The following CDH12 variants were observed in gnomAD, a reference collection of about 807,000 sequenced individuals.
The protein encoded by CDH12 is cadherin 12.
Under a neutral mutation model 74.1 loss-of-function variants are expected in CDH12, and 41 were observed. The observed-to-expected ratio is 0.55, with a 90% CI of 0.43 to 0.72. The LOEUF (loss-of-function observed/expected upper bound fraction) is 0.72, where lower values mean the gene tolerates loss of function less well. Among genes scored for constraint, CDH12 ranks in the 30% least tolerant of loss-of-function variants. The pLI, the probability that CDH12 is intolerant of heterozygous loss-of-function variation, is 0.00. For missense variants in CDH12, 945 were observed against 977.2 expected (o/e 0.97, Z 0.44); for synonymous variants, 399 against 355.0 (o/e 1.12, Z -1.39).
At chr5:22,244,764 GAAAGAAAGAA>G (rs1263065912) in intron 3 of CDH12, among the ~76,000 whole-genome samples, 1 of 119,120 alleles carries the variant, frequency 8.4e-6, no homozygotes, top group Non-Finnish European at 1.9e-5. Context: ...AAGAAAGAAA[GAAAGAAAGAA>G]AGAAAGAAAG....
chr5:22,837,394 C>A (rs1252650392), intron 1 of CDH12, among the ~76,000 whole-genome samples: 1 of 151,756 alleles, frequency 6.6e-6, no homozygotes, highest in African/African-American at 2.4e-5. Flanking sequence ...GGCAACAGGG[C>A]AAGATGCTGT....
At chr5:22,077,081 C>T (rs1040124743) in intron 5 of CDH12, among the ~76,000 whole-genome samples, 34 of 145,412 alleles carry the variant, frequency 2.3e-4, no homozygotes, top group Admixed American at 6.2e-4. Context: ...TGTGTGTGCG[C>T]GTGTGTATTT....
chr5:21,828,908 C>CTTTTTTTTTTTTTTTTT (rs70957070), intron 8 of CDH12, among the ~76,000 whole-genome samples: 1 of 119,280 alleles, frequency 8.4e-6, no homozygotes, highest in African/African-American at 3.4e-5. Flanking sequence ...AATCCTATGT[C>CTTTTTTTTTTTTTTTTT]TTTTTTTTTT....
intron 7 of CDH12, among the ~76,000 whole-genome samples, chr5:21,854,160 T>C (rs1371007743): frequency 6.6e-6 from 1 of 151,688 alleles, no homozygotes; most frequent in East Asian, 1.9e-4. Flanking sequence ...TTTGAAGATA[T>C]AGGCAAACAA....
chr5:22,448,792 T>A (rs1167448739), intron 2 of CDH12, among the ~76,000 whole-genome samples: 1 of 152,024 alleles, frequency 6.6e-6, no homozygotes, highest in African/African-American at 2.4e-5. Flanking sequence ...TCTAGATACT[T>A]CTTCTGGTAT....
At chr5:21,943,471 A>G (rs1579997322) in intron 6 of CDH12, among the ~76,000 whole-genome samples, 1 of 151,356 alleles carries the variant, frequency 6.6e-6, no homozygotes, top group Non-Finnish European at 1.5e-5. Context: ...TGGTGTGTAG[A>G]AAAAAAAATG....
chr5:22,048,668 T>A (rs1488137262), intron 5 of CDH12, among the ~76,000 whole-genome samples: 1 of 151,846 alleles, frequency 6.6e-6, no homozygotes, highest in African/African-American at 2.4e-5. Context: ...ACAAAAGAAT[T>A]GTGAGAGGAG....
intron 1 of CDH12, among the ~76,000 whole-genome samples, chr5:22,731,350 A>G (rs1744423246): frequency 6.6e-6 from 1 of 151,880 alleles, no homozygotes; most frequent in Non-Finnish European, 1.5e-5. Context: ...GATGTTATGG[A>G]TTATAAAATT....
chr5:22,423,206 T>TAAAAAAAAAAAAAAAAAAAAA (rs58915238), intron 2 of CDH12, among the ~76,000 whole-genome samples: 1 of 121,440 alleles, frequency 8.2e-6, no homozygotes, highest in African/African-American at 3.0e-5. Flanking sequence ...GTAAACACAG[T>TAAAAAAAAAAAAAAAAAAAAA]AAAAAAAAAA....
intron 1 of CDH12, among the ~76,000 whole-genome samples, chr5:22,828,181 C>T (rs10078060): frequency 2.0e-5 from 3 of 152,032 alleles, no homozygotes; most frequent in Non-Finnish European, 2.9e-5. Flanking sequence ...GAAATAAGTG[C>T]AAACCCTTAC....
intron 1 of CDH12, among the ~76,000 whole-genome samples, chr5:22,740,423 TAA>T (rs71609777): frequency 6.9e-6 from 1 of 144,090 alleles, no homozygotes. Context: ...ATTCATTAGG[TAA>T]AAAAAAAAAA....
In CDH12 at chr5:22,238,811, A is replaced by T. The variant is rs554468325; in HGVS notation, c.-332-26168T>A. Among the ~76,000 whole-genome samples the T allele has an allele frequency of 4.6e-5, 7 of 152,320 alleles. No individual in the cohort carries two copies. The South Asian group carries it at 1.2e-3, about 27-fold the overall frequency. ...TTCATTTAATCACATGTATATGGCC[A>T]TCTTGTCCATTTTGAGGTTGGGCTT... On this transcript the variant is annotated intron_variant, in intron 3 of 14. Transcript: ENST00000382254.
intron 4 of CDH12, among the ~76,000 whole-genome samples, chr5:22,136,491 A>G (rs1459509835): frequency 6.6e-6 from 1 of 151,920 alleles, no homozygotes; most frequent in African/African-American, 2.4e-5. Flanking sequence ...CAATATGTAT[A>G]CCCACCAAGA....
chr5:22,159,882 C>T (rs565921883), intron 4 of CDH12, among the ~76,000 whole-genome samples: 3 of 152,218 alleles, frequency 2.0e-5, no homozygotes, highest in Admixed American at 2.0e-4. Flanking sequence ...TATACTAGGA[C>T]ATAGTCAAGA....
chr5:22,279,964 A>G (rs1262562788), intron 3 of CDH12, among the ~76,000 whole-genome samples: 1 of 152,172 alleles, frequency 6.6e-6, no homozygotes, highest in African/African-American at 2.4e-5. Flanking sequence ...TATCTTCCAC[A>G]ATGGTTGAAC....
At chr5:22,362,180 A>T (rs1740834047) in intron 3 of CDH12, among the ~76,000 whole-genome samples, 1 of 152,212 alleles carries the variant, frequency 6.6e-6, no homozygotes, top group South Asian at 2.1e-4. Flanking sequence ...CAATCTACTC[A>T]TCTGACAAAG....
chr5:22,494,709 T>C (rs1001197232), intron 2 of CDH12, among the ~76,000 whole-genome samples: 21 of 152,316 alleles, frequency 1.4e-4, no homozygotes, highest in African/African-American at 5.1e-4. Context: ...GGACTTACTC[T>C]ACCAGGTGGG....
intron 6 of CDH12, among the ~76,000 whole-genome samples, chr5:21,938,145 TC>T (rs562364833): frequency 1.4e-3 from 215 of 152,064 alleles, no homozygotes; most frequent in African/African-American, 5.0e-3. Context: ...TTTGTTAATG[TC>T]CTTTTGTCTT....
chr5:22,372,594 G>A (rs1352953466), intron 3 of CDH12, among the ~76,000 whole-genome samples: 2 of 152,146 alleles, frequency 1.3e-5, no homozygotes, highest in African/African-American at 4.8e-5. Context: ...GGACTGCCAA[G>A]GAGAAAGAGT....
Sources: allele counts gnomAD v4.1 joint callset (sites outside exome capture counted in the v4.1 genomes callset), GRCh38; gene constraint gnomAD v4.1.1; transcripts MANE v1.5; gene names NCBI Gene and HGNC (gene_info 2026-07-23, HGNC 2026-07-21).